The following FBN1 variants were observed in gnomAD, a reference collection of about 807,000 sequenced individuals.
FBN1 encodes fibrillin-1.
A neutral mutation model predicts 365.1 loss-of-function variants in FBN1; 29 were observed. The ratio of observed to expected loss-of-function variants is 0.08; its 90% confidence interval spans 0.06 to 0.11. FBN1 has a LOEUF of 0.11. Ranked by LOEUF, FBN1 falls within the 10% of genes least tolerant of loss-of-function variation. FBN1 has a pLI of 1.00. For missense variants in FBN1, 2,476 were observed against 3,703.2 expected, an observed-to-expected ratio of 0.67 and a Z score of 8.60; for synonymous variants, 1,210 against 1,270.5, an observed-to-expected ratio of 0.95 and a Z score of 1.01.
chr15:48,608,596 A>G (rs2044631460), intron 4 of FBN1, among the ~76,000 whole-genome samples: 2 of 152,238 alleles, frequency 1.3e-5, no homozygotes, highest in African/African-American at 4.8e-5. Flanking sequence ...ACAATTTTAA[A>G]GATTTCAAGT....
chr15:48,424,099 T>C (rs541339266), intron 60 of FBN1, among the ~76,000 whole-genome samples: 5 of 152,258 alleles, frequency 3.3e-5, no homozygotes, highest in Non-Finnish European at 7.3e-5. Context: ...CTCTGAGTTA[T>C]AGCTTCACAT....
chr15:48,419,844 A>T (rs2042926770), intron 63 of FBN1, among the ~76,000 whole-genome samples: 1 of 152,244 alleles, frequency 6.6e-6, no homozygotes, highest in African/African-American at 2.4e-5. Context: ...TTGCAGTGGC[A>T]CTTCACAGAC....
At chr15:48,532,876 A>G (rs1449178514) in intron 8 of FBN1, among the ~76,000 whole-genome samples, 4 of 152,156 alleles carry the variant, frequency 2.6e-5, no homozygotes. Flanking sequence ...TTTTTTCACA[A>G]CTACCCCGAA....
intron 2 of FBN1, among the ~76,000 whole-genome samples, chr15:48,615,351 T>C (rs992390469): frequency 7.2e-5 from 11 of 152,082 alleles, no homozygotes; most frequent in Non-Finnish European, 1.5e-4. Context: ...CTGACAAAAA[T>C]ATGTATGTCA....
chr15:48,408,817 G>A lies in FBN1; in HGVS notation c.*2173C>T, dbSNP rs537569325. On this transcript the variant is annotated 3_prime_UTR_variant, in exon 66 of 66. Transcript: ENST00000316623. ...AAAATATCAAAGTGATCCACTGTGTGCCAACTCCATTTTCCCCTGTTGTTT... is the reference window on the plus strand; with the variant it reads ...AAAATATCAAAGTGATCCACTGTGTACCAACTCCATTTTCCCCTGTTGTTT... 2 of 152,606 alleles carry A rather than the reference G, an allele frequency of 1.3e-5. No homozygotes were observed. The highest frequency in any genetic ancestry group is 2.9e-5 in the Non-Finnish European group (2 of 68,036). 9.5% of individuals were successfully genotyped at this position (152,606 alleles called of 1,614,324 possible).
chr15:48,509,185 G>T (rs1464916600), intron 14 of FBN1, among the ~76,000 whole-genome samples: 1 of 152,026 alleles, frequency 6.6e-6, no homozygotes, highest in Admixed American at 6.6e-5. Context: ...GTAGTTTGAA[G>T]CAATTTTAAA....
chr15:48,432,833 C>G, intron 55 of FBN1, 33 bp downstream of exon 55: 3 of 1,612,802 alleles, frequency 1.9e-6, no homozygotes, highest in Non-Finnish European at 2.5e-6. Context: ...ATAAAGCTTC[C>G]TGGCTTAGAT....
At chr15:48,489,557 A>G (rs1178363004) in intron 25 of FBN1, among the ~76,000 whole-genome samples, 3 of 152,158 alleles carry the variant, frequency 2.0e-5, no homozygotes, top group African/African-American at 7.2e-5. Flanking sequence ...GAATTACCAT[A>G]GCTTTTGGAA....
At chr15:48,577,151 C>A (rs953501705) in intron 6 of FBN1, among the ~76,000 whole-genome samples, 5 of 152,084 alleles carry the variant, frequency 3.3e-5, no homozygotes, top group Non-Finnish European at 5.9e-5. Context: ...CAAGTTATAA[C>A]CCATGTGGTC....
chr15:48,566,963 C>T (rs1216962111), intron 6 of FBN1, among the ~76,000 whole-genome samples: 2 of 152,226 alleles, frequency 1.3e-5, no homozygotes, highest in Non-Finnish European at 2.9e-5. Flanking sequence ...GCAGCAGCCG[C>T]ATCACCATCA....
intron 60 of FBN1, among the ~76,000 whole-genome samples, chr15:48,422,487 A>G (rs1375118355): frequency 6.6e-6 from 1 of 152,258 alleles, no homozygotes; most frequent in Non-Finnish European, 1.5e-5. Flanking sequence ...GCTGGAAATG[A>G]ATTTGCTGGC....
At chr15:48,516,471 C>A in intron 10 of FBN1, 109 bp from the exon 11 acceptor site, 1 of 1,168,634 alleles carries the variant, frequency 8.6e-7, no homozygotes, top group South Asian at 1.3e-5. Context: ...TAAAATTGAT[C>A]CTCAAAATTC....
chr15:48,411,257 A>G lies in FBN1; in HGVS notation c.8349T>C (p.Ala2783=), dbSNP rs2042860447. 2 of 1,613,996 alleles carry G rather than the reference A, an allele frequency of 1.2e-6. No homozygotes were observed. The highest frequency in any genetic ancestry group is 2.2e-5 in the South Asian group (2 of 91,084). The change falls in exon 66 of 66, where the codon GCT becomes GCC. Residue 2783 remains alanine (A), a synonymous_variant. Coordinates refer to ENST00000316623, the MANE Select transcript of FBN1 (RefSeq NM_000138.5). ...TGTTGTGATTCGTCAGAGTTGTAAG[A>G]GCTGGAAGGAGTTCTAGGATTCGAA... is the stretch of plus-strand genomic sequence containing the variant. The part of the protein sequence containing the change: ...NKVRILELLP[A]LTTLTNHNRY...
At chr15:48,643,122 ATAT>A (rs1482137941) in intron 2 of FBN1, 7 of 152,230 alleles carry the variant, frequency 4.6e-5, no homozygotes, top group African/African-American at 1.7e-4. Context: ...AGATATTAAG[ATAT>A]TATTATGTAG....
intron 6 of FBN1, among the ~76,000 whole-genome samples, chr15:48,547,489 G>A (rs2044102937): frequency 6.6e-6 from 1 of 152,140 alleles, no homozygotes; most frequent in African/African-American, 2.4e-5. Flanking sequence ...CATCAATTCT[G>A]AGAGATCTGG....
chr15:48,445,348 T>C, intron 48 of FBN1, 28 bp downstream of exon 48: 3 of 1,611,614 alleles, frequency 1.9e-6, no homozygotes, highest in Non-Finnish European at 2.5e-6. Flanking sequence ...AAGCATTCTT[T>C]CCAGGTCTTT....
intron 2 of FBN1, chr15:48,644,336 C>G (rs1267933955): frequency 5.7e-6 from 3 of 522,352 alleles, no homozygotes; most frequent in Non-Finnish European, 1.0e-5. Context: ...CCTTCTTCCC[C>G]AAGGAACTCT....
At chr15:48,567,208 C>G (rs934309513) in intron 6 of FBN1, among the ~76,000 whole-genome samples, 2 of 152,138 alleles carry the variant, frequency 1.3e-5, no homozygotes, top group Admixed American at 1.3e-4. Flanking sequence ...CCTTTAGGAA[C>G]GTTTTTATCA....
intron 41 of FBN1, 145 bp from the exon 42 acceptor site, chr15:48,463,385 C>T: frequency 1.3e-6 from 1 of 797,408 alleles, no homozygotes; most frequent in Non-Finnish European, 2.2e-6. Flanking sequence ...AAAACTTGCT[C>T]TTACACAACT....
Sources: allele counts gnomAD v4.1 joint callset (sites outside exome capture counted in the v4.1 genomes callset), GRCh38; gene constraint gnomAD v4.1.1; transcripts MANE v1.5; gene names NCBI Gene and HGNC (gene_info 2026-07-23, HGNC 2026-07-21).